The following PRELID3B variants were observed in gnomAD, a reference collection of about 807,000 sequenced individuals.
The protein encoded by PRELID3B is PRELI domain containing 3B, also known as PRELI domain containing protein 3B.
Under a neutral mutation model 24.0 loss-of-function variants are expected in PRELID3B, and 15 were observed. The ratio of observed to expected loss-of-function variants is 0.63; its 90% CI spans 0.42 to 0.96. The LOEUF is 0.96. Ranked by LOEUF, PRELID3B falls within the 40% of genes least tolerant of loss-of-function variation. PRELID3B has a pLI of 0.00. For synonymous variants in PRELID3B, 62 were observed against 76.0 expected (o/e 0.82, Z 0.96); for missense variants, 189 against 236.0 (o/e 0.80, Z 1.30).
intron 2 of PRELID3B, chr20:59,038,115 A>T (rs955945820): frequency 5.3e-6 from 1 of 188,598 alleles, no homozygotes. Flanking sequence ...TACACAACCC[A>T]CCACTGACCA....
In PRELID3B at chr20:59,042,779, G is replaced by A. The variant is rs769759704; in HGVS notation, c.-49C>T. On this transcript the variant is annotated 5_prime_UTR_variant, in exon 1 of 6. Coordinates refer to ENST00000355937, the MANE Select transcript of PRELID3B (RefSeq NM_016045.3). ...CCGGGTAGCGCCAGGGGACAACGAG[G>A]CACAGAGGCTACACCTGCCCCTGCC... 30 of 1,576,056 alleles carry A rather than the reference G, an allele frequency of 1.9e-5. No homozygotes were observed. In the Admixed American group the frequency reaches 5.6e-4, roughly 29 times the overall value.
At chr20:59,035,396 T>C (rs1369168752) in intron 5 of PRELID3B, among the ~76,000 whole-genome samples, 1 of 152,272 alleles carries the variant, frequency 6.6e-6, no homozygotes, top group Non-Finnish European at 1.5e-5. Context: ...CTTATTTGTT[T>C]CATGATTATA....
chr20:59,042,651 G>A (rs1177425457), intron 1 of PRELID3B, 48 bp downstream of exon 1: 1 of 1,563,214 alleles, frequency 6.4e-7, no homozygotes, highest in African/African-American at 1.4e-5. Flanking sequence ...TCTACTCCAG[G>A]GCCGGCGTGC....
At chr20:59,036,440 G>A in intron 5 of PRELID3B, 31 bp downstream of exon 5, 1 of 1,511,566 alleles carries the variant, frequency 6.6e-7, no homozygotes, top group Non-Finnish European at 9.2e-7. Context: ...AATGAACCAG[G>A]GAATAATAAC....
intron 3 of PRELID3B, 49 bp from the exon 4 acceptor site, chr20:59,036,809 G>T: frequency 1.6e-6 from 2 of 1,256,812 alleles, no homozygotes; most frequent in Non-Finnish European, 2.2e-6. Flanking sequence ...TGGAACTGAA[G>T]ATTCAAAATG....
chr20:59,036,652 C>A, intron 4 of PRELID3B, 38 bp downstream of exon 4: 1 of 1,575,778 alleles, frequency 6.3e-7, no homozygotes, highest in Non-Finnish European at 8.7e-7. Context: ...ACCTTAAACA[C>A]CCTTTACGAT....
chr20:59,035,533 A>G (rs1026885221), intron 5 of PRELID3B, among the ~76,000 whole-genome samples: 2 of 152,150 alleles, frequency 1.3e-5, no homozygotes, highest in Non-Finnish European at 2.9e-5. Flanking sequence ...CTAGTGTTCT[A>G]TATAGTTCCT....
chr20:59,040,114 T>A lies in PRELID3B; in HGVS notation c.33-1480A>T, dbSNP rs1414499679. 6.6e-6 allele frequency among the ~76,000 whole-genome samples: 1 copy of A among 152,232 alleles called. No homozygotes were observed. The highest frequency in any genetic ancestry group is 6.5e-5 in the Admixed American group (1 of 15,282). ...CCTCTCTAAAAAATTAATAATCGCA[T>A]GACTTCAGGGTGGTTATGCATTATT... is the stretch of plus-strand genomic sequence containing the variant. On this transcript the variant is annotated intron_variant, in intron 1 of 5. Coordinates refer to ENST00000355937, the MANE Select transcript of PRELID3B (RefSeq NM_016045.3). This position sits in a 1 kb window ranked among gnomAD's most constrained non-coding sequence, Gnocchi z 4.1.
intron 2 of PRELID3B, 148 bp downstream of exon 2, chr20:59,038,318 T>C (rs151360): frequency 0.19 from 117,767 of 606,698 alleles, 11,769 homozygotes; most frequent in Middle Eastern, 0.21. Context: ...CATTATACAC[T>C]CATAATTCAA....
intron 1 of PRELID3B, among the ~76,000 whole-genome samples, chr20:59,041,435 G>A (rs373029997): frequency 3.9e-5 from 6 of 152,168 alleles, no homozygotes; most frequent in African/African-American, 1.4e-4. Flanking sequence ...TTCAGAGGCC[G>A]GGCACAGTGG....
chr20:59,040,804 C>A lies in PRELID3B; in HGVS notation c.32+1895G>T, dbSNP rs1487699416. On this transcript the variant is annotated intron_variant, in intron 1 of 5. Transcript: ENST00000355937. The surrounding 1 kb of genome is among the most constrained non-coding windows in gnomAD (Gnocchi z 4.1). ...TCAAGAGAGGCTGGAGCTCAAGGTA[C>A]AGATCTGGGTGCCATAAATGTATAC... 6.6e-6 allele frequency among the ~76,000 whole-genome samples: 1 copy of A among 152,108 alleles called. No homozygotes were observed. The highest frequency in any genetic ancestry group is 1.5e-5 in the Non-Finnish European group (1 of 68,024).
rs2092089041 is a variant in PRELID3B, at chr20:59,038,472, C to T, written c.195G>A (p.Val65=). 1.2e-6 allele frequency: 2 copies of T among 1,613,104 alleles called. No homozygotes were observed. Among genetic ancestry groups the T allele is most frequent in the East Asian group, 4.5e-5 (2 of 44,868 alleles). ...GGAATAAAGACACACTTACAGACTT[C>T]ACAATGGAAGGCAGTCCCCACTCTG... The part of the protein sequence containing the change: ...LSTEWGLPSI[V]KSLIGAARTK... The change falls in exon 2 of 6, where the codon GTG becomes GTA. Residue 65 remains valine (V), a synonymous_variant. Coordinates refer to ENST00000355937, the MANE Select transcript of PRELID3B (RefSeq NM_016045.3).
intron 5 of PRELID3B, among the ~76,000 whole-genome samples, chr20:59,035,997 A>G (rs1225118417): frequency 1.3e-5 from 2 of 152,200 alleles, no homozygotes; most frequent in Non-Finnish European, 2.9e-5. Flanking sequence ...TCTTTTATGT[A>G]TAAAGCCCAC....
At chr20:59,039,935 C>G (rs1276784335) in intron 1 of PRELID3B, among the ~76,000 whole-genome samples, 2 of 152,162 alleles carry the variant, frequency 1.3e-5, no homozygotes, top group Non-Finnish European at 2.9e-5. Flanking sequence ...CTTCATCAAT[C>G]TGAAGTGTCC....
At chr20:59,036,337 C>T (rs1303865031) in intron 5 of PRELID3B, 134 bp downstream of exon 5, 3 of 653,844 alleles carry the variant, frequency 4.6e-6, no homozygotes, top group Non-Finnish European at 5.3e-6. Context: ...TTGTAAGTAA[C>T]TGCCCAACGT....
intron 1 of PRELID3B, among the ~76,000 whole-genome samples, chr20:59,041,047 C>G (rs538672070): frequency 6.6e-6 from 1 of 152,096 alleles, no homozygotes; most frequent in East Asian, 1.9e-4. Flanking sequence ...AAGACAAAGG[C>G]AGAAAGAGTG....
In PRELID3B at chr20:59,034,895, A is replaced by G; in HGVS notation, c.*112T>C. On this transcript the variant is annotated 3_prime_UTR_variant, in exon 6 of 6. Transcript: ENST00000355937. ...ATAGCCTTACACCAACTTATCAAAAAAAAAAAAAAAAAAACTACCCAAAAT... is the reference window on the plus strand; with the variant it reads ...ATAGCCTTACACCAACTTATCAAAAGAAAAAAAAAAAAAACTACCCAAAAT... 1 of 942,264 alleles carries G rather than the reference A, an allele frequency of 1.1e-6. No homozygotes were observed. Among genetic ancestry groups the G allele is most frequent in the Non-Finnish European group, 1.4e-6 (1 of 715,320 alleles). The allele number at this position is 942,264 out of a possible 1,614,324, so 58.4% of individuals were successfully genotyped here. A position where few individuals can be genotyped will look rare whatever the true frequency, so the allele number is the denominator to read the frequency against.
intron 1 of PRELID3B, among the ~76,000 whole-genome samples, chr20:59,039,022 A>AT (rs1463413006): frequency 6.6e-6 from 1 of 152,184 alleles, no homozygotes; most frequent in Non-Finnish European, 1.5e-5. Context: ...GCCATTTATT[A>AT]TTTTTTCTGA....
intron 1 of PRELID3B, 144 bp downstream of exon 1, chr20:59,042,555 G>A (rs889839404): frequency 1.1e-6 from 1 of 878,230 alleles, no homozygotes; most frequent in Non-Finnish European, 1.7e-6. Flanking sequence ...TGCCCTCCGT[G>A]TCGCCGGGGC....
Sources: allele counts gnomAD v4.1 joint callset (sites outside exome capture counted in the v4.1 genomes callset), GRCh38; gene constraint gnomAD v4.1.1; non-coding constraint Gnocchi (gnomAD v3.1); transcripts MANE v1.5; gene names NCBI Gene and HGNC (gene_info 2026-07-23, HGNC 2026-07-21).